PTPRH: variants seen among roughly 807,000 people sequenced by gnomAD.
PTPRH encodes receptor-type tyrosine-protein phosphatase H.
Under a neutral mutation model 130.2 loss-of-function variants are expected in PTPRH, and 113 were observed. That is an observed-to-expected ratio of 0.87 (90% CI 0.75 to 1.01). The LOEUF (loss-of-function observed/expected upper bound fraction) is 1.01, where lower values mean the gene tolerates loss of function less well. Among genes scored for constraint, PTPRH ranks in the 50% least tolerant of loss-of-function variants. PTPRH has a pLI of 0.00. For missense variants in PTPRH, 1,430 were observed against 1,425.0 expected, an observed-to-expected ratio of 1.00 and a Z score of -0.06; for synonymous variants, 556 against 577.9, an observed-to-expected ratio of 0.96 and a Z score of 0.54.
intron 8 of PTPRH, among the ~76,000 whole-genome samples, chr19:55,198,146 G>A (rs1194724375): frequency 6.6e-6 from 1 of 152,184 alleles, no homozygotes; most frequent in Non-Finnish European, 1.5e-5. Flanking sequence ...GAGCCCAGGA[G>A]GTCGAGGCTG....
rs142532576 is a variant in PTPRH, at chr19:55,206,882, G to C, written c.159C>G (p.Pro53=). 6.2e-7 allele frequency: 1 copy of C among 1,613,744 alleles called. No homozygotes were observed. The highest frequency in any genetic ancestry group is 1.1e-5 in the South Asian group (1 of 91,062). Residue 53 remains proline (P), a synonymous_variant, in exon 3 of 20, where the codon CCC becomes CCG. Transcript: ENST00000376350. ...TGGAGTTCTGTGAGTCTAGGCCATC[G>C]GGGACCTCCCAGCTCAGGGAGATGG... The part of the protein sequence containing the change: ...TSSISLSWEV[P]DGLDSQNSNY...
intron 10 of PTPRH, among the ~76,000 whole-genome samples, chr19:55,193,083 G>T (rs1257280701): frequency 6.6e-6 from 1 of 151,866 alleles, no homozygotes; most frequent in African/African-American, 2.4e-5. Flanking sequence ...ACAAAAGTTA[G>T]CTGGGTATGG....
At chr19:55,203,723 C>G in intron 5 of PTPRH, 59 bp downstream of exon 5, 1 of 1,520,038 alleles carries the variant, frequency 6.6e-7, no homozygotes, top group South Asian at 1.3e-5. Context: ...CAGCTCCCAA[C>G]CACCCCCTAC....
Position 55,205,576 on chromosome 19 carries a change from C to T in PTPRH, c.369G>A (p.Arg123=), listed in dbSNP as rs766009054. ...VTTATAPNPV[R]NLRVEAQTNS... Reference sequence around the variant, plus strand: ...TGGTCTGAGCCTCCACTCTCAGGTTCCTCACTGGGTTGGGAGCTGAAAACC... The same window carrying T: ...TGGTCTGAGCCTCCACTCTCAGGTTTCTCACTGGGTTGGGAGCTGAAAACC... The change falls in exon 4 of 20, where the codon AGG becomes AGA. Residue 123 remains arginine, a synonymous_variant. Transcript: ENST00000376350. 5.9e-5 allele frequency: 96 copies of T among 1,613,956 alleles called. No individual in the cohort carries two copies. The highest frequency in any genetic ancestry group is 2.7e-4 in the South Asian group (25 of 91,082).
At chr19:55,197,714 G>A (rs1460322859) in intron 8 of PTPRH, among the ~76,000 whole-genome samples, 1 of 152,136 alleles carries the variant, frequency 6.6e-6, no homozygotes, top group Non-Finnish European at 1.5e-5. Context: ...TGGATTCTCT[G>A]TATCGCTTCA....
intron 18 of PTPRH, among the ~76,000 whole-genome samples, chr19:55,182,481 C>G (rs2086206339): frequency 6.6e-6 from 1 of 152,150 alleles, no homozygotes; most frequent in African/African-American, 2.4e-5. Context: ...CAAGATCACA[C>G]CACTGCACTC....
chr19:55,190,213 T>C (rs1457889775), intron 12 of PTPRH, among the ~76,000 whole-genome samples: 3 of 150,716 alleles, frequency 2.0e-5, no homozygotes, highest in Non-Finnish European at 4.4e-5. Flanking sequence ...TACTAAAAAA[T>C]ACAAAAATTA....
chr19:55,188,172 C>T lies in PTPRH; in HGVS notation c.2385-4G>A, dbSNP rs758472647. Reference sequence around the variant, plus strand: ...AGCTGGGATGTCCCCTGGGGAGCTACGGGTTTTGGGGGAGCAGGGAGAAAA... The same window carrying T: ...AGCTGGGATGTCCCCTGGGGAGCTATGGGTTTTGGGGGAGCAGGGAGAAAA... On this transcript the variant is annotated splice_polypyrimidine_tract_variant and splice_region_variant and intron_variant, in intron 12 of 19. Transcript: ENST00000376350. 5 of 1,612,682 alleles carry T rather than the reference C, an allele frequency of 3.1e-6. No homozygotes were observed. The highest frequency in any genetic ancestry group is 2.2e-5 in the East Asian group (1 of 44,842).
chr19:55,202,017 A>G (rs73066689), intron 6 of PTPRH, 39 bp downstream of exon 6: 115,421 of 1,608,562 alleles, frequency 0.072, 4,264 homozygotes, highest in African/African-American at 0.094. Flanking sequence ...CTGTCCCTTA[A>G]ACAAATAAGA....
At chr19:55,184,709 C>T (rs1241285913) in intron 18 of PTPRH, among the ~76,000 whole-genome samples, 1 of 151,906 alleles carries the variant, frequency 6.6e-6, no homozygotes, top group Non-Finnish European at 1.5e-5. Context: ...ATTGCTTGAA[C>T]TCGGGAGGCA....
At position 55,181,870 on chromosome 19, in the gene PTPRH, G is replaced by C. The variant is rs367809853; in HGVS notation, c.3232C>G (p.Arg1078Gly). ...QYVFLHQCIL[R>G]FLQQSAQAPA... ...GCCTGGGCTGACTGTTGGAGGAACC[G>C]CAGGATGCACTGATGCAGGAATACG... The change falls in exon 20 of 20, where the codon CGG (arginine) becomes GGG (glycine). Residue 1078 changes from arginine to glycine, a missense_variant. By Grantham distance (125) the Arg-to-Gly change is moderately radical. Coordinates refer to ENST00000376350, the MANE Select transcript of PTPRH (RefSeq NM_002842.5). 6.2e-7 allele frequency: 1 copy of C among 1,614,194 alleles called. No homozygotes were observed. Among genetic ancestry groups the C allele is most frequent in the Middle Eastern group, 1.7e-4 (1 of 6,054 alleles).
intron 8 of PTPRH, among the ~76,000 whole-genome samples, chr19:55,198,369 G>A (rs1405128501): frequency 6.6e-6 from 1 of 152,196 alleles, no homozygotes; most frequent in South Asian, 2.1e-4. Flanking sequence ...GACTTTGTCA[G>A]CTCCTGAGAG....
At position 55,196,508 on chromosome 19, in the gene PTPRH, G is replaced by A. The variant is rs778080191; in HGVS notation, c.2257+14C>T. On this transcript the variant is annotated intron_variant, in intron 10 of 19. Coordinates refer to ENST00000376350, the MANE Select transcript of PTPRH (RefSeq NM_002842.5). ...ATTTCATCATAGCTGGCTGGCCCGC[G>A]CGGCTCCGCTCACCTGCACTCTCGG... 14 of 1,601,770 alleles carry A rather than the reference G, an allele frequency of 8.7e-6. No individual in the cohort carries two copies. The highest frequency in any genetic ancestry group is 1.2e-5 in the Non-Finnish European group (14 of 1,173,890).
In PTPRH at chr19:55,195,289, C is replaced by T. The variant is rs549365616; in HGVS notation, c.2257+1233G>A. Among the ~76,000 whole-genome samples, 37 of 152,226 alleles carry T rather than the reference C, an allele frequency of 2.4e-4. No individual in the cohort carries two copies. In the East Asian group the frequency reaches 6.6e-3, roughly 27 times the overall value. ...GCAGTGAGCCGAGATTGCACCACTG[C>T]ACTCCAGCCTGGGCGACAAGAGTGA... On this transcript the variant is annotated intron_variant, in intron 10 of 19. Coordinates refer to ENST00000376350, the MANE Select transcript of PTPRH (RefSeq NM_002842.5).
intron 3 of PTPRH, 131 bp downstream of exon 3, chr19:55,206,558 G>C (rs1289334726): frequency 2.1e-6 from 2 of 966,708 alleles, no homozygotes; most frequent in Non-Finnish European, 2.9e-6. Context: ...ATAGAAAATT[G>C]AAATTCTCAC....
At chr19:55,188,040 G>C in intron 13 of PTPRH, 38 bp downstream of exon 13, 1 of 1,554,462 alleles carries the variant, frequency 6.4e-7, no homozygotes, top group African/African-American at 1.4e-5. Flanking sequence ...TGGGCCACCG[G>C]AGGGAGACTG....
chr19:55,181,466 G>A lies in PTPRH; in HGVS notation c.*288C>T, dbSNP rs1568883589. 1.1e-5 allele frequency: 4 copies of A among 354,052 alleles called. No individual in the cohort carries two copies. The highest frequency in any genetic ancestry group is 8.1e-4 in the Middle Eastern group (1 of 1,230). The allele number at this position is 354,052 out of a possible 1,614,324, so 21.9% of individuals were successfully genotyped here. On this transcript the variant is annotated 3_prime_UTR_variant, in exon 20 of 20. Transcript: ENST00000376350. ...AATTCCTTCCTGCCTCAGAATCCAG[G>A]CCCCAGCCTGTTTCTTTCTGCATCC...
chr19:55,187,223 T>G (rs1432199313), intron 14 of PTPRH, among the ~76,000 whole-genome samples: 4 of 146,602 alleles, frequency 2.7e-5, no homozygotes, highest in African/African-American at 1.0e-4. Flanking sequence ...CGGGCACCTG[T>G]AGTCCCAGCT....
chr19:55,197,537 A>G (rs2122134021), intron 8 of PTPRH, 121 bp from the exon 9 acceptor site: 1 of 923,720 alleles, frequency 1.1e-6, no homozygotes, highest in East Asian at 2.5e-5. Flanking sequence ...GTGGCTAAGG[A>G]GGCTGAACCA....
Sources: gnomAD v4.1 joint callset for allele counts (sites outside exome capture counted in the v4.1 genomes callset) on GRCh38, gnomAD v4.1.1 for gene constraint, MANE v1.5 for transcripts, NCBI Gene and HGNC (gene_info 2026-07-23, HGNC 2026-07-21) for gene names.